Variants in MAGI2 observed in about 807,000 individuals in gnomAD.
MAGI2 encodes the protein membrane associated guanylate kinase, WW and PDZ domain containing 2.
A neutral mutation model predicts 133.3 loss-of-function variants in MAGI2; 35 were observed. The ratio of observed to expected loss-of-function variants is 0.26; its 90% CI spans 0.20 to 0.35. The LOEUF (loss-of-function observed/expected upper bound fraction) is 0.35. MAGI2 is among the 10% of genes least tolerant of loss of function. MAGI2 has a pLI of 1.00. For missense variants in MAGI2, 1,636 were observed against 1,863.4 expected (o/e 0.88, Z 2.25); for synonymous variants, 729 against 710.6 (o/e 1.03, Z -0.41).
At chr7:78,513,975 C>G (rs1374772116) in intron 4 of MAGI2, among the ~76,000 whole-genome samples, 1 of 150,050 alleles carries the variant, frequency 6.7e-6, no homozygotes, top group African/African-American at 2.5e-5. Context: ...GTAATCCCAG[C>G]TACTTGGGAG....
chr7:78,228,139 G>A (rs769696895), intron 10 of MAGI2, among the ~76,000 whole-genome samples: 1 of 152,106 alleles, frequency 6.6e-6, no homozygotes, highest in African/African-American at 2.4e-5. Context: ...TGTTACAAAA[G>A]AGTATTCTTC....
At chr7:78,242,739 A>G (rs1791291749) in intron 10 of MAGI2, among the ~76,000 whole-genome samples, 1 of 151,828 alleles carries the variant, frequency 6.6e-6, no homozygotes, top group Non-Finnish European at 1.5e-5. Context: ...TAACTTCTTA[A>G]GTCTTTTGTT....
intron 1 of MAGI2, among the ~76,000 whole-genome samples, chr7:79,253,099 C>T (rs10266537): frequency 0.62 from 93,777 of 152,026 alleles, 29,965 homozygotes; most frequent in Non-Finnish European, 0.7. Flanking sequence ...AAAGAATCTT[C>T]AGGGTGTTGG....
chr7:78,084,989 A>G (rs1390702916), intron 20 of MAGI2, among the ~76,000 whole-genome samples: 1 of 152,164 alleles, frequency 6.6e-6, no homozygotes, highest in Non-Finnish European at 1.5e-5. Context: ...ATTGAATTAG[A>G]TGGGTTCCAA....
chr7:79,367,973 A>T (rs1842830273), intron 1 of MAGI2, among the ~76,000 whole-genome samples: 2 of 150,998 alleles, frequency 1.3e-5, no homozygotes, highest in South Asian at 4.2e-4. Flanking sequence ...AATCATCACC[A>T]CGCCTTGACC....
intron 2 of MAGI2, among the ~76,000 whole-genome samples, chr7:78,950,737 T>G (rs1229389268): frequency 6.6e-6 from 1 of 152,172 alleles, no homozygotes; most frequent in Non-Finnish European, 1.5e-5. Context: ...TTTGCTTATG[T>G]AAATTCAAAA....
intron 6 of MAGI2, among the ~76,000 whole-genome samples, chr7:78,443,612 C>T (rs1050789118): frequency 6.6e-6 from 1 of 152,040 alleles, no homozygotes; most frequent in Non-Finnish European, 1.5e-5. Context: ...ATTATTAAAG[C>T]CATTTTTGTA....
At chr7:78,297,303 G>A (rs555716922) in intron 9 of MAGI2, among the ~76,000 whole-genome samples, 76 of 151,034 alleles carry the variant, frequency 5.0e-4, no homozygotes, top group African/African-American at 1.8e-3. Flanking sequence ...CAGTTAGAAT[G>A]GCAATCATTA....
At chr7:79,443,207 G>A (rs1222322572) in intron 1 of MAGI2, among the ~76,000 whole-genome samples, 1 of 151,936 alleles carries the variant, frequency 6.6e-6, no homozygotes, top group Non-Finnish European at 1.5e-5. Context: ...AGGAGTCGGA[G>A]GTCTCTGTGA....
intron 2 of MAGI2, among the ~76,000 whole-genome samples, chr7:78,676,215 T>C (rs1407779700): frequency 1.3e-5 from 2 of 152,174 alleles, no homozygotes; most frequent in Non-Finnish European, 2.9e-5. Flanking sequence ...AATGCCATTA[T>C]AGAAACACAT....
intron 2 of MAGI2, among the ~76,000 whole-genome samples, chr7:78,874,525 A>G (rs1425236685): frequency 4.6e-5 from 7 of 152,180 alleles, no homozygotes; most frequent in Admixed American, 4.6e-4. Flanking sequence ...GTTAAGTGAA[A>G]GCCAGGAACA....
intron 1 of MAGI2, among the ~76,000 whole-genome samples, chr7:79,153,070 A>G (rs556203363): frequency 2.8e-4 from 43 of 152,352 alleles, no homozygotes; most frequent in African/African-American, 1.0e-3. Flanking sequence ...GAACAAGTAT[A>G]CAATGGTAAA....
intron 1 of MAGI2, among the ~76,000 whole-genome samples, chr7:79,094,242 C>A (rs1359589673): frequency 6.6e-6 from 1 of 152,314 alleles, no homozygotes; most frequent in African/African-American, 2.4e-5. Flanking sequence ...GCAGTAGAAT[C>A]CATCTCAAGA....
chr7:79,169,404 A>T (rs775675011), intron 1 of MAGI2, among the ~76,000 whole-genome samples: 29 of 152,258 alleles, frequency 1.9e-4, no homozygotes, highest in Non-Finnish European at 3.2e-4. Context: ...GGAATGTCAT[A>T]GTTCTAAATA....
At chr7:79,381,130 G>A (rs563569049) in intron 1 of MAGI2, among the ~76,000 whole-genome samples, 93 of 118,132 alleles carry the variant, frequency 7.9e-4, no homozygotes, top group Middle Eastern at 4.2e-3. Context: ...TTACCATATC[G>A]GTGCTGCTCA....
intron 2 of MAGI2, among the ~76,000 whole-genome samples, chr7:78,786,776 C>T (rs950692806): frequency 7.2e-5 from 11 of 152,134 alleles, no homozygotes; most frequent in African/African-American, 9.7e-5. Flanking sequence ...CTTACTACTA[C>T]GTATTTCAAT....
In MAGI2 at chr7:78,019,895, G is replaced by A. The variant is rs137879179; in HGVS notation, c.3788C>T (p.Ala1263Val). The change falls in exon 22 of 22, where the codon GCT (alanine) becomes GTT (valine). Residue 1263 changes from alanine to valine, a missense_variant. By Grantham distance (64) the Ala-to-Val change is moderately conservative. Around this residue, in one of 5 missense-constraint regions of MAGI2, gnomAD observed 354 missense variants for 298.7 expected, o/e 1.19. Coordinates refer to ENST00000354212, the MANE Select transcript of MAGI2 (RefSeq NM_012301.4). The stretch of plus-strand genomic sequence containing the variant: ...GGCTGGATGTGATGGAGAGAATGGA[G>A]CGAGGCCGTCGTCCAGGGAGACGCC... ...EVGVSLDDGL[A>V]PFSPSHPAPP... The A allele has an allele frequency of 6.2e-6, 10 of 1,611,660 alleles. No individual in the cohort carries two copies. In the South Asian group the frequency reaches 8.8e-5, roughly 14 times the overall value.
chr7:78,467,890 A>G (rs1790803084), intron 6 of MAGI2, among the ~76,000 whole-genome samples: 1 of 152,178 alleles, frequency 6.6e-6, no homozygotes, highest in Admixed American at 6.5e-5. Context: ...TTGTCACAAG[A>G]TATCTTTCTT....
At chr7:79,159,478 A>T (rs953447336) in intron 1 of MAGI2, among the ~76,000 whole-genome samples, 1 of 150,156 alleles carries the variant, frequency 6.7e-6, no homozygotes, top group East Asian at 2.0e-4. Context: ...AGATCACATC[A>T]CTGTGCTTCA....
Sources: allele counts gnomAD v4.1 joint callset (sites outside exome capture counted in the v4.1 genomes callset), GRCh38; gene constraint gnomAD v4.1.1; regional missense constraint gnomAD v4.1.1; transcripts MANE v1.5; gene names NCBI Gene and HGNC (gene_info 2026-07-23, HGNC 2026-07-21).